Variants in PRKN observed in about 807,000 individuals in gnomAD.
The protein encoded by PRKN is parkin RBR E3 ubiquitin protein ligase.
PRKN carries 56 observed loss-of-function variants against 59.5 expected under a neutral mutation model. The observed-to-expected ratio is 0.94, with a 90% CI of 0.76 to 1.18. The LOEUF (loss-of-function observed/expected upper bound fraction) is 1.18. PRKN is among the 50% of genes most tolerant of loss of function. The probability of loss-of-function intolerance (pLI) is 0.00; values close to 1 mark genes in which losing one functional copy is unlikely to be tolerated. For missense variants in PRKN, 657 were observed against 596.4 expected (o/e 1.10, Z -1.06); for synonymous variants, 250 against 222.1 (o/e 1.13, Z -1.12).
chr6:161,715,484 T>C (rs745868956), intron 7 of PRKN, among the ~76,000 whole-genome samples: 17 of 152,208 alleles, frequency 1.1e-4, no homozygotes, highest in Non-Finnish European at 2.1e-4. Context: ...AAGACAAATA[T>C]ATGTGTTCAT....
chr6:161,888,225 A>T (rs1001640172), intron 6 of PRKN, among the ~76,000 whole-genome samples: 1 of 152,208 alleles, frequency 6.6e-6, no homozygotes, highest in African/African-American at 2.4e-5. Context: ...ATTTGGGGGT[A>T]TTATTTTTGC....
chr6:161,571,725 C>T (rs1030695578), intron 7 of PRKN, among the ~76,000 whole-genome samples: 1 of 152,082 alleles, frequency 6.6e-6, no homozygotes, highest in African/African-American at 2.4e-5. Flanking sequence ...TAGCTGATAA[C>T]ATGTTATTTC....
intron 2 of PRKN, among the ~76,000 whole-genome samples, chr6:162,402,395 A>G (rs1206022175): frequency 6.6e-6 from 1 of 152,160 alleles, no homozygotes; most frequent in African/African-American, 2.4e-5. Context: ...TCGGAACACA[A>G]GGCCGTTCCC....
intron 1 of PRKN, among the ~76,000 whole-genome samples, chr6:162,467,414 C>T (rs185815735): frequency 1.1e-4 from 17 of 152,246 alleles, no homozygotes; most frequent in Admixed American, 1.0e-3. Flanking sequence ...GCCCCCACTC[C>T]ACCCGCTCCT....
chr6:162,578,414 C>T (rs552625558), intron 1 of PRKN, among the ~76,000 whole-genome samples: 4 of 152,110 alleles, frequency 2.6e-5, no homozygotes, highest in East Asian at 1.9e-4. Flanking sequence ...AGTCTGGGGC[C>T]GGGCATGTGA....
chr6:162,205,535 T>C (rs550055875), intron 3 of PRKN, among the ~76,000 whole-genome samples: 137 of 151,940 alleles, frequency 9.0e-4, no homozygotes, highest in African/African-American at 3.2e-3. Flanking sequence ...GGGGAGAGAG[T>C]AAGATTTAAC....
chr6:161,987,620 G>A (rs1482741174), intron 5 of PRKN, among the ~76,000 whole-genome samples: 1 of 152,074 alleles, frequency 6.6e-6, no homozygotes, highest in Non-Finnish European at 1.5e-5. Flanking sequence ...TTTTAAATTT[G>A]TTTTTAAATA....
chr6:162,616,868 C>T (rs1782443472), intron 1 of PRKN, among the ~76,000 whole-genome samples: 1 of 152,030 alleles, frequency 6.6e-6, no homozygotes, highest in African/African-American at 2.4e-5. Context: ...AATGAAGCTC[C>T]TAGGAAGACA....
chr6:162,460,501 T>G (rs1278774671), intron 1 of PRKN, among the ~76,000 whole-genome samples: 1 of 152,220 alleles, frequency 6.6e-6, no homozygotes, highest in South Asian at 2.1e-4. Context: ...AGAATTTAAA[T>G]GGGTGAATTT....
chr6:162,389,460 T>TA (rs542656570), intron 2 of PRKN, among the ~76,000 whole-genome samples: 1 of 151,982 alleles, frequency 6.6e-6, no homozygotes, highest in South Asian at 2.1e-4. Flanking sequence ...TTAAAAGAAA[T>TA]AAAAAACCTT....
rs368986932 is a variant in PRKN, at chr6:161,779,182, C to T, written c.871+6590G>A. On this transcript the variant is annotated intron_variant, in intron 7 of 11. Transcript: ENST00000366898. ...CTCGAACTGCTGACCTCAGGTGATT[C>T]GCCCACCTTGGCCTCCCAAAGTGCT... is the stretch of plus-strand genomic sequence containing the variant. 2.4e-4 allele frequency among the ~76,000 whole-genome samples: 36 copies of T among 152,116 alleles called. No individual in the cohort carries two copies. In the East Asian group the frequency reaches 5.8e-3, roughly 25 times the overall value.
intron 1 of PRKN, among the ~76,000 whole-genome samples, chr6:162,520,307 T>C (rs1778035471): frequency 6.6e-6 from 1 of 152,208 alleles, no homozygotes; most frequent in African/African-American, 2.4e-5. Context: ...TAAGAACCAG[T>C]TGCACTAAAA....
chr6:161,994,941 C>A (rs1309453384), intron 5 of PRKN, among the ~76,000 whole-genome samples: 6 of 151,144 alleles, frequency 4.0e-5, no homozygotes, highest in African/African-American at 1.5e-4. Context: ...AAAAAACAGT[C>A]CTAAAATATG....
intron 3 of PRKN, among the ~76,000 whole-genome samples, chr6:162,257,736 C>G (rs1435672147): frequency 6.6e-6 from 1 of 152,042 alleles, no homozygotes; most frequent in African/African-American, 2.4e-5. Flanking sequence ...CAGGTATGGC[C>G]CGTTCGCGAT....
At chr6:162,702,414 T>C (rs1374735999) in intron 1 of PRKN, among the ~76,000 whole-genome samples, 3 of 152,174 alleles carry the variant, frequency 2.0e-5, no homozygotes, top group Non-Finnish European at 2.9e-5. Context: ...AATATGCAGA[T>C]AGCAGATACA....
At chr6:162,537,812 T>C (rs60359536) in intron 1 of PRKN, among the ~76,000 whole-genome samples, 1,904 of 152,318 alleles carry the variant, frequency 0.013, 47 homozygotes, top group African/African-American at 0.044. Flanking sequence ...AAGGCCCTTG[T>C]CACTTATGTG....
rs79565809 is a variant in PRKN, at chr6:161,698,605, G to C, written c.871+87167C>G. On this transcript the variant is annotated intron_variant, in intron 7 of 11. Coordinates refer to ENST00000366898, the MANE Select transcript of PRKN (RefSeq NM_004562.3). The stretch of plus-strand genomic sequence containing the variant: ...ACAATTATCAGAATAATGTGGTATT[G>C]GTACAAACAGAATAGATCAAGACAA... Among the ~76,000 whole-genome samples the C allele has an allele frequency of 1.1e-4, 17 of 148,894 alleles. No homozygotes were observed. The East Asian group carries it at 1.2e-3, about 10-fold the overall frequency.
At chr6:161,961,092 A>C (rs1780359748) in intron 6 of PRKN, among the ~76,000 whole-genome samples, 1 of 152,238 alleles carries the variant, frequency 6.6e-6, no homozygotes, top group Non-Finnish European at 1.5e-5. Flanking sequence ...GACCTTCTCC[A>C]GCCTTGTGGA....
At chr6:162,456,138 C>G (rs913802892) in intron 1 of PRKN, among the ~76,000 whole-genome samples, 2 of 152,018 alleles carry the variant, frequency 1.3e-5, no homozygotes, top group African/African-American at 4.8e-5. Context: ...AATGAAGTTG[C>G]TATAATAAAA....
Sources: gnomAD v4.1 joint callset for allele counts (sites outside exome capture counted in the v4.1 genomes callset) on GRCh38, gnomAD v4.1.1 for gene constraint, MANE v1.5 for transcripts, NCBI Gene and HGNC (gene_info 2026-07-23, HGNC 2026-07-21) for gene names.